The following ZMIZ1 variants were observed in gnomAD, a reference collection of about 807,000 sequenced individuals.
ZMIZ1 encodes the protein zinc finger MIZ domain-containing protein 1.
ZMIZ1 carries 17 observed loss-of-function variants against 113.9 expected under a neutral mutation model. The observed-to-expected ratio is 0.15, with a 90% CI of 0.10 to 0.22. The LOEUF (loss-of-function observed/expected upper bound fraction) is 0.22, where lower values mean the gene tolerates loss of function less well. Ranked by LOEUF, ZMIZ1 falls within the 10% of genes least tolerant of loss-of-function variation. ZMIZ1 has a pLI of 1.00. For synonymous variants in ZMIZ1, 607 were observed against 603.1 expected, an observed-to-expected ratio of 1.01 and a Z score of -0.09; for missense variants, 1,059 against 1,477.8, an observed-to-expected ratio of 0.72 and a Z score of 4.65.
At chr10:79,209,348 G>A (rs1008915725) in intron 6 of ZMIZ1, among the ~76,000 whole-genome samples, 5 of 152,224 alleles carry the variant, frequency 3.3e-5, no homozygotes, top group African/African-American at 7.2e-5. Flanking sequence ...TGGTATGATC[G>A]GCCAGGCTAA....
intron 7 of ZMIZ1, among the ~76,000 whole-genome samples, chr10:79,263,018 T>C (rs1180575337): frequency 6.6e-6 from 1 of 152,194 alleles, no homozygotes; most frequent in Non-Finnish European, 1.5e-5. Context: ...GCTGGATGAA[T>C]GGATAAGAGG....
In ZMIZ1 at chr10:79,315,415, T is replaced by C. The variant is rs1200519082; in HGVS notation, c.*2666T>C. The C allele has an allele frequency of 1.3e-5, 2 of 152,846 alleles. No homozygotes were observed. Among genetic ancestry groups the C allele is most frequent in the Non-Finnish European group, 1.5e-5 (1 of 68,096 alleles). 9.5% of individuals were successfully genotyped at this position (152,846 alleles called of 1,614,324 possible). ...TTCCCTGATCCTTTCGGACGACTAC[T>C]TGGAGCCATAAGTAACCTCAGCAAA... is the stretch of plus-strand genomic sequence containing the variant. On this transcript the variant is annotated 3_prime_UTR_variant, in exon 25 of 25. Transcript: ENST00000334512.
At chr10:79,199,426 A>G (rs911447999) in intron 4 of ZMIZ1, among the ~76,000 whole-genome samples, 1 of 152,072 alleles carries the variant, frequency 6.6e-6, no homozygotes, top group African/African-American at 2.4e-5. Context: ...GAATCGCTTG[A>G]ACCTGGGAGG....
intron 2 of ZMIZ1, among the ~76,000 whole-genome samples, chr10:79,120,186 G>A (rs2132328912): frequency 6.6e-6 from 1 of 152,322 alleles, no homozygotes. Flanking sequence ...ATACAGATGT[G>A]CAAATGTGCG....
At chr10:79,139,518 G>A (rs1338164018) in intron 2 of ZMIZ1, among the ~76,000 whole-genome samples, 164 bp from the exon 3 acceptor site, 3 of 152,150 alleles carry the variant, frequency 2.0e-5, no homozygotes, top group South Asian at 2.1e-4. Context: ...GTGGCTGGGC[G>A]GGGAAGACAC....
At chr10:79,182,725 A>G (rs1402873077) in intron 4 of ZMIZ1, among the ~76,000 whole-genome samples, 2 of 152,240 alleles carry the variant, frequency 1.3e-5, no homozygotes, top group African/African-American at 4.8e-5. Flanking sequence ...CACAGCCTCT[A>G]GAATCAGACT....
intron 1 of ZMIZ1, among the ~76,000 whole-genome samples, chr10:79,098,583 A>G (rs991406978): frequency 1.3e-5 from 2 of 152,208 alleles, no homozygotes; most frequent in Non-Finnish European, 2.9e-5. Flanking sequence ...CTTTTGCATA[A>G]TGAGCTCAGT....
chr10:79,132,309 C>T (rs1430659165), intron 2 of ZMIZ1, among the ~76,000 whole-genome samples: 1 of 152,164 alleles, frequency 6.6e-6, no homozygotes, highest in African/African-American at 2.4e-5. Context: ...TCTCCTCCTA[C>T]AAGGGTAATA....
chr10:79,098,105 A>T (rs150683771), intron 1 of ZMIZ1, among the ~76,000 whole-genome samples: 1 of 152,136 alleles, frequency 6.6e-6, no homozygotes, highest in African/African-American at 2.4e-5. Flanking sequence ...TGGTCAAATG[A>T]TCATTCCTAC....
intron 3 of ZMIZ1, among the ~76,000 whole-genome samples, chr10:79,159,498 G>C (rs939073602): frequency 6.6e-6 from 1 of 152,236 alleles, no homozygotes; most frequent in Non-Finnish European, 1.5e-5. Context: ...ATAGCGGGCA[G>C]ACTGTGAGTG....
At chr10:79,155,430 G>T (rs1048555363) in intron 3 of ZMIZ1, among the ~76,000 whole-genome samples, 57 of 152,308 alleles carry the variant, frequency 3.7e-4, no homozygotes, top group Non-Finnish European at 2.8e-4. Flanking sequence ...CCTAGTTCCC[G>T]TTTTTATCAT....
At position 79,310,071 on chromosome 10, in the gene ZMIZ1, G is replaced by A. The variant is rs988108912; in HGVS notation, c.2836-853G>A. 1.1e-4 allele frequency among the ~76,000 whole-genome samples: 16 copies of A among 152,254 alleles called. 1 individual carries two copies. Among genetic ancestry groups the A allele is most frequent in the Admixed American group, 6.5e-4 (10 of 15,306 alleles). ...TTTCAGTGCACGTGCCCACAGGAGG[G>A]TGCGAGTCCTCTAGTTATCTGTTAG... On this transcript the variant is annotated intron_variant, in intron 23 of 24. Coordinates refer to ENST00000334512, the MANE Select transcript of ZMIZ1 (RefSeq NM_020338.4).
intron 2 of ZMIZ1, among the ~76,000 whole-genome samples, chr10:79,123,665 G>T (rs1429454566): frequency 2.0e-5 from 3 of 152,240 alleles, no homozygotes; most frequent in Admixed American, 1.3e-4. Flanking sequence ...CTGTTGCTCA[G>T]AGCTCTGTGG....
At chr10:79,266,968 A>C (rs561965205) in intron 7 of ZMIZ1, among the ~76,000 whole-genome samples, 49 of 152,342 alleles carry the variant, frequency 3.2e-4, no homozygotes, top group African/African-American at 1.1e-3. Context: ...CCTTCTGGAC[A>C]CAGTGGAATG....
intron 5 of ZMIZ1, among the ~76,000 whole-genome samples, chr10:79,202,483 A>G (rs568771776): frequency 6.6e-6 from 1 of 152,112 alleles, no homozygotes; most frequent in Non-Finnish European, 1.5e-5. Context: ...AAGAGGTCCT[A>G]GGAAATCATA....
intron 7 of ZMIZ1, among the ~76,000 whole-genome samples, chr10:79,226,675 C>T (rs942797): frequency 0.35 from 53,691 of 152,052 alleles, 10,619 homozygotes; most frequent in Non-Finnish European, 0.47. Context: ...AGCAGGGCCT[C>T]GGTAGAAGGT....
At chr10:79,116,910 C>T (rs147835364) in intron 1 of ZMIZ1, among the ~76,000 whole-genome samples, 1 of 152,368 alleles carries the variant, frequency 6.6e-6, no homozygotes, top group East Asian at 1.9e-4. Context: ...CACCTGAAAA[C>T]TTGGTGGCTT....
At chr10:79,120,295 A>C (rs1036761732) in intron 2 of ZMIZ1, among the ~76,000 whole-genome samples, 1 of 152,252 alleles carries the variant, frequency 6.6e-6, no homozygotes. Context: ...ACACATGCAC[A>C]AACTCGTGTT....
intron 4 of ZMIZ1, among the ~76,000 whole-genome samples, chr10:79,165,871 C>CT (rs1195646832): frequency 6.8e-6 from 1 of 147,550 alleles, no homozygotes; most frequent in Non-Finnish European, 1.5e-5. Flanking sequence ...GGGGGGTCCT[C>CT]TGTGAGCAGC....
Sources: allele counts gnomAD v4.1 joint callset (sites outside exome capture counted in the v4.1 genomes callset), GRCh38; gene constraint gnomAD v4.1.1; transcripts MANE v1.5; gene names NCBI Gene and HGNC (gene_info 2026-07-23, HGNC 2026-07-21).